Variants in CNTLN observed in about 807,000 individuals in gnomAD.
CNTLN encodes centlein.
CNTLN carries 212 observed loss-of-function variants against 180.0 expected under a neutral mutation model. The observed-to-expected ratio is 1.18, with a 90% CI of 1.05 to 1.32. CNTLN has a LOEUF of 1.32. Ranked by LOEUF, CNTLN falls within the 40% of genes most tolerant of loss-of-function variation. The pLI, the probability that CNTLN is intolerant of heterozygous loss-of-function variation, is 0.00. For synonymous variants in CNTLN, 722 were observed against 563.1 expected (o/e 1.28, Z -3.99); for missense variants, 2,095 against 1,610.9 (o/e 1.30, Z -5.14).
rs189662400 is a variant in CNTLN, at chr9:17,446,296, C to T, written c.3115-11228C>T. On this transcript the variant is annotated intron_variant, in intron 18 of 25. Coordinates refer to ENST00000380647, the MANE Select transcript of CNTLN (RefSeq NM_017738.4). ...CTCTCGTTCCACCTTACGAGAAACA[C>T]CCACAGGTGTGGAGGGGCAACCCAC... 3.1e-3 allele frequency among the ~76,000 whole-genome samples: 469 copies of T among 152,262 alleles called. 6 individuals are homozygous for T. Among genetic ancestry groups the T allele is most frequent in the African/African-American group, 0.011 (448 of 41,554 alleles).
chr9:17,215,905 G>C (rs140053810), intron 2 of CNTLN, among the ~76,000 whole-genome samples: 1 of 152,154 alleles, frequency 6.6e-6, no homozygotes, highest in African/African-American at 2.4e-5. Flanking sequence ...TTGGAAAAGC[G>C]CAGTATTAGG....
chr9:17,346,590 C>G (rs1821920377), intron 12 of CNTLN, among the ~76,000 whole-genome samples: 1 of 152,240 alleles, frequency 6.6e-6, no homozygotes, highest in Non-Finnish European at 1.5e-5. Context: ...GCAACATGCA[C>G]TGTTGAATCT....
intron 6 of CNTLN, among the ~76,000 whole-genome samples, chr9:17,293,551 A>G (rs1040337854): frequency 1.3e-5 from 2 of 152,182 alleles, no homozygotes; most frequent in East Asian, 1.9e-4. Flanking sequence ...CAGTCTGGCC[A>G]TGATCTGCCA....
chr9:17,453,858 C>T lies in CNTLN; in HGVS notation c.3115-3666C>T, dbSNP rs572930868. ...CTTTAAAACCAACGGGGGAATCTCC[C>T]TGATCTCAGAGAATGCCTCTGGCCT... On this transcript the variant is annotated intron_variant, in intron 18 of 25. Coordinates refer to ENST00000380647, the MANE Select transcript of CNTLN (RefSeq NM_017738.4). Among the ~76,000 whole-genome samples the T allele has an allele frequency of 2.0e-5, 3 of 152,326 alleles. No individual in the cohort carries two copies. The East Asian group carries it at 5.8e-4, about 29-fold the overall frequency.
chr9:17,152,966 A>T (rs1818996042), intron 2 of CNTLN, among the ~76,000 whole-genome samples: 1 of 151,970 alleles, frequency 6.6e-6, no homozygotes, highest in Non-Finnish European at 1.5e-5. Flanking sequence ...TTTATCAGAG[A>T]TTAGGATTGC....
chr9:17,250,115 G>A (rs1052283594), intron 5 of CNTLN, among the ~76,000 whole-genome samples: 1 of 151,284 alleles, frequency 6.6e-6, no homozygotes, highest in African/African-American at 2.4e-5. Context: ...TTGATTATTA[G>A]ATCTTTTGTC....
intron 12 of CNTLN, among the ~76,000 whole-genome samples, chr9:17,344,329 T>C (rs978131453): frequency 6.6e-6 from 1 of 152,214 alleles, no homozygotes; most frequent in Admixed American, 6.5e-5. Context: ...TATGTTAATA[T>C]TCATTAATGT....
At chr9:17,233,998 T>C (rs1824975684) in intron 3 of CNTLN, among the ~76,000 whole-genome samples, 1 of 152,176 alleles carries the variant, frequency 6.6e-6, no homozygotes, top group African/African-American at 2.4e-5. Context: ...ACAGTTGTGT[T>C]TCCTAGCTGA....
intron 12 of CNTLN, among the ~76,000 whole-genome samples, chr9:17,350,073 C>T (rs567559324): frequency 6.6e-6 from 1 of 152,224 alleles, no homozygotes; most frequent in Non-Finnish European, 1.5e-5. Context: ...GTACCCATCA[C>T]AGTCCAACAT....
intron 24 of CNTLN, among the ~76,000 whole-genome samples, chr9:17,485,104 A>G (rs1020888764): frequency 6.6e-6 from 1 of 152,076 alleles, no homozygotes; most frequent in Admixed American, 6.6e-5. Context: ...GCAGAATCTC[A>G]TACCACGCAG....
At chr9:17,497,859 G>C (rs552512398) in intron 25 of CNTLN, among the ~76,000 whole-genome samples, 1 of 152,124 alleles carries the variant, frequency 6.6e-6, no homozygotes, top group African/African-American at 2.4e-5. Flanking sequence ...GGATGCTAAC[G>C]ACGCAGATTT....
chr9:17,414,721 G>A (rs937483521), intron 16 of CNTLN, among the ~76,000 whole-genome samples: 14 of 152,096 alleles, frequency 9.2e-5, no homozygotes, highest in African/African-American at 2.4e-4. Flanking sequence ...GCTGGATTGG[G>A]ATCTTTTAAA....
At chr9:17,362,240 A>C (rs1312636038) in intron 12 of CNTLN, among the ~76,000 whole-genome samples, 2 of 152,196 alleles carry the variant, frequency 1.3e-5, no homozygotes, top group African/African-American at 4.8e-5. Context: ...GAGGTAAGTT[A>C]CACCTGCTTT....
chr9:17,289,521 C>T lies in CNTLN; in HGVS notation c.984-8669C>T, dbSNP rs1244405042. Reference sequence around the variant, plus strand: ...CTCTTCTGGAGGAGTGTCTTTGTGGCGTTCTCTGTATTTCCTGAATCTGAA... The same window carrying T: ...CTCTTCTGGAGGAGTGTCTTTGTGGTGTTCTCTGTATTTCCTGAATCTGAA... On this transcript the variant is annotated intron_variant, in intron 6 of 25. Coordinates refer to ENST00000380647, the MANE Select transcript of CNTLN (RefSeq NM_017738.4). Among the ~76,000 whole-genome samples the T allele has an allele frequency of 1.3e-4, 18 of 137,494 alleles. 2 individuals carry two copies. The highest frequency in any genetic ancestry group is 4.0e-4 in the African/African-American group (13 of 32,906). 90.2% of individuals were successfully genotyped at this position (137,494 alleles called of 152,430 possible).
At chr9:17,484,631 C>G (rs2442005) in intron 24 of CNTLN, 151 bp downstream of exon 24, 36,628 of 593,404 alleles carry the variant, frequency 0.062, 1,391 homozygotes, top group African/African-American at 0.12. Context: ...AGATACACAT[C>G]AAGTATTAAC....
chr9:17,276,800 C>A (rs1321383630), intron 6 of CNTLN, among the ~76,000 whole-genome samples: 1 of 151,964 alleles, frequency 6.6e-6, no homozygotes, highest in African/African-American at 2.4e-5. Flanking sequence ...GTATCAAATA[C>A]AATGTAAATG....
chr9:17,192,358 C>T (rs1821843587), intron 2 of CNTLN, among the ~76,000 whole-genome samples: 1 of 151,790 alleles, frequency 6.6e-6, no homozygotes, highest in South Asian at 2.1e-4. Context: ...CCTGCTTCAG[C>T]CTCCTGAGTA....
At chr9:17,408,964 T>A (rs1827626633) in intron 15 of CNTLN, among the ~76,000 whole-genome samples, 1 of 152,170 alleles carries the variant, frequency 6.6e-6, no homozygotes, top group African/African-American at 2.4e-5. Context: ...ATTAAACTTT[T>A]CTGGCCTTGT....
chr9:17,235,361 G>A (rs540057775), intron 3 of CNTLN, among the ~76,000 whole-genome samples: 7 of 152,158 alleles, frequency 4.6e-5, no homozygotes, highest in Admixed American at 2.6e-4. Flanking sequence ...AGAATGGTTC[G>A]TAAAATCTTG....
Sources: gnomAD v4.1 joint callset for allele counts (sites outside exome capture counted in the v4.1 genomes callset) on GRCh38, gnomAD v4.1.1 for gene constraint, MANE v1.5 for transcripts, NCBI Gene and HGNC (gene_info 2026-07-23, HGNC 2026-07-21) for gene names.